CHD8: variants seen among roughly 807,000 people sequenced by gnomAD.
The protein encoded by CHD8 is ATP-dependent chromatin remodeler CHD8.
A neutral mutation model predicts 279.2 loss-of-function variants in CHD8; 31 were observed. The ratio of observed to expected loss-of-function variants is 0.11; its 90% CI spans 0.08 to 0.15. CHD8 has a LOEUF of 0.15. Among genes scored for constraint, CHD8 ranks in the 10% least tolerant of loss-of-function variants. The probability of loss-of-function intolerance (pLI) is 1.00; values close to 1 mark genes in which losing one functional copy is unlikely to be tolerated. For synonymous variants in CHD8, 1,081 were observed against 1,139.6 expected (o/e 0.95, Z 1.04); for missense variants, 2,146 against 3,230.5 (o/e 0.66, Z 8.14).
Position 21,430,874 on chromosome 14 carries a change from G to C in CHD8, c.770C>G (p.Ala257Gly). 7 of 1,599,420 alleles carry C rather than the reference G, an allele frequency of 4.4e-6. No individual in the cohort carries two copies. Among genetic ancestry groups the C allele is most frequent in the Non-Finnish European group, 5.9e-6 (7 of 1,179,730 alleles). Reference protein sequence around the residue: ...QLVLQPVKGSAPAGNPGATGP... With the variant: ...QLVLQPVKGSGPAGNPGATGP... ...TGTGGCCCCAGGGTTTCCAGCAGGA[G>C]CTGAACCCTTAACTGGCTGGAGGAC... The change falls in exon 2 of 38, where the codon GCT becomes GGT. Residue 257 changes from alanine (A) to glycine (G), a missense_variant. This residue lies in a region of CHD8 where 302 missense variants were observed against 325.5 expected (regional missense o/e 0.93). Coordinates refer to ENST00000646647, the MANE Select transcript of CHD8 (RefSeq NM_001170629.2).
chr14:21,408,662 C>T lies in CHD8; in HGVS notation c.2486+42G>A. On this transcript the variant is annotated intron_variant, in intron 12 of 37. Coordinates refer to ENST00000646647, the MANE Select transcript of CHD8 (RefSeq NM_001170629.2). The surrounding 1 kb of genome is among the most constrained non-coding windows in gnomAD (Gnocchi z 4.3). Reference sequence around the variant, plus strand: ...CAATAGAAAACAAATAAAAATAATCCCAGAACTAAGCTTACATCTTATGGC... The same window carrying T: ...CAATAGAAAACAAATAAAAATAATCTCAGAACTAAGCTTACATCTTATGGC... The T allele has an allele frequency of 2.5e-6, 4 of 1,587,516 alleles. No individual in the cohort carries two copies. Among genetic ancestry groups the T allele is most frequent in the Non-Finnish European group, 3.4e-6 (4 of 1,168,098 alleles).
rs750311902 is a variant in CHD8, at chr14:21,393,975, A to G, written c.5820T>C (p.His1940=). The G allele has an allele frequency of 1.5e-5, 24 of 1,613,878 alleles. No individual in the cohort carries two copies. Among genetic ancestry groups the G allele is most frequent in the Middle Eastern group, 3.3e-4 (2 of 6,084 alleles). The change falls in exon 32 of 38, where the codon CAT becomes CAC. Residue 1940 remains histidine (H), a synonymous_variant. Coordinates refer to ENST00000646647, the MANE Select transcript of CHD8 (RefSeq NM_001170629.2). ...TGTTGCAGTCTGTTTGGCTCACCCC[A>G]TGGCGGGCTGCCCCTCTTAGAAGCT... The part of the protein sequence containing the change: ...DGELLRGAAR[H]GVSQTDCNIM...
chr14:21,407,433 T>C (rs1888297670), intron 13 of CHD8, among the ~76,000 whole-genome samples: 1 of 151,696 alleles, frequency 6.6e-6, no homozygotes, highest in African/African-American at 2.4e-5. Flanking sequence ...TGTCTAAAAA[T>C]TGACAAAAGA....
At chr14:21,451,571 CAAAAAAAAAAAAAA>C (rs969355375) in intron 1 of CHD8, among the ~76,000 whole-genome samples, 8 of 31,644 alleles carry the variant, frequency 2.5e-4, no homozygotes, top group Admixed American at 5.0e-4. Flanking sequence ...GACTCTGTCT[CAAAAAAAAAAAAAA>C]AAAAAAAAAA....
chr14:21,393,456 A>G lies in CHD8; in HGVS notation c.6319+20T>C, dbSNP rs1224852752. The G allele has an allele frequency of 2.0e-6, 3 of 1,537,632 alleles. No individual in the cohort carries two copies. The highest frequency in any genetic ancestry group is 2.6e-6 in the Non-Finnish European group (3 of 1,139,970). Reference sequence around the variant, plus strand: ...GGGGGAAATAGGGAAGGGGGCCAACAGCCTGTCACATGCACTCACTTAGCT... The same window carrying G: ...GGGGGAAATAGGGAAGGGGGCCAACGGCCTGTCACATGCACTCACTTAGCT... On this transcript the variant is annotated intron_variant, in intron 32 of 37. Transcript: ENST00000646647.
chr14:21,446,317 C>CTTTT (rs71112587), intron 1 of CHD8, among the ~76,000 whole-genome samples: 29 of 137,506 alleles, frequency 2.1e-4, no homozygotes, highest in East Asian at 4.2e-4. Flanking sequence ...TCTTCTTCTT[C>CTTTT]TTTTTTTTTT....
At chr14:21,407,869 A>T (rs951537369) in intron 13 of CHD8, among the ~76,000 whole-genome samples, 11 of 152,148 alleles carry the variant, frequency 7.2e-5, no homozygotes, top group Non-Finnish European at 1.5e-4. Flanking sequence ...TCGGCCTCCC[A>T]AAGTGCTAGG....
intron 1 of CHD8, among the ~76,000 whole-genome samples, chr14:21,452,328 T>C (rs1890276141): frequency 6.7e-6 from 1 of 149,914 alleles, no homozygotes; most frequent in South Asian, 2.2e-4. Flanking sequence ...ATGCAATAAA[T>C]GTTAAATAAA....
intron 1 of CHD8, among the ~76,000 whole-genome samples, chr14:21,435,996 A>C (rs766548928): frequency 2.6e-5 from 4 of 152,220 alleles, no homozygotes; most frequent in Non-Finnish European, 5.9e-5. Flanking sequence ...CTAATAGATA[A>C]AATTATGTAA....
At chr14:21,430,691 T>C (rs747129926) in intron 2 of CHD8, 110 bp downstream of exon 2, 7 of 685,554 alleles carry the variant, frequency 1.0e-5, no homozygotes, top group South Asian at 2.0e-5. Context: ...AAACCAAAGA[T>C]GGAATTTAAA....
Position 21,393,517 on chromosome 14 carries a change from G to A in CHD8, c.6278C>T (p.Ser2093Phe). The A allele has an allele frequency of 1.9e-6, 3 of 1,592,306 alleles. No homozygotes were observed. The highest frequency in any genetic ancestry group is 8.6e-7 in the Non-Finnish European group (1 of 1,168,936). Residue 2093 changes from serine (S) to phenylalanine (F), a missense_variant, in exon 32 of 38, where the codon TCC (serine) becomes TTC (phenylalanine). Physicochemically the swap from Ser to Phe is radical, Grantham distance 155. Transcript: ENST00000646647. The stretch of plus-strand genomic sequence containing the variant: ...CTCATCCTCACTCTCATCAGTGCTG[G>A]AGCTGGAGCTGGATGAGGATGAGGA... ...SSSSSSSSSSSSTDESEDEKE... is the reference protein window; with the variant it reads ...SSSSSSSSSSFSTDESEDEKE...
Position 21,393,824 on chromosome 14 carries a change from A to C in CHD8, c.5971T>G (p.Ser1991Ala). The C allele has an allele frequency of 1.2e-6, 2 of 1,613,964 alleles. No homozygotes were observed. Among genetic ancestry groups the C allele is most frequent in the Admixed American group, 1.7e-5 (1 of 60,020 alleles). Reference sequence around the variant, plus strand: ...AGGGGCAGTGGTGAGGCAGTGCGTGAGGTATACTGCTGGTGCAGCAGTGGA... The same window carrying C: ...AGGGGCAGTGGTGAGGCAGTGCGTGCGGTATACTGCTGGTGCAGCAGTGGA... ...STPLLHQQYT[S>A]RTASPLPLRP... The change falls in exon 32 of 38, where the codon TCA becomes GCA. Residue 1991 changes from serine (S) to alanine (A), a missense_variant. Ser to Ala is a moderately conservative substitution (Grantham distance 99). This residue lies in a region of CHD8 where 513 missense variants were observed against 637.6 expected (regional missense o/e 0.80). Transcript: ENST00000646647.
At position 21,392,644 on chromosome 14, in the gene CHD8, G is replaced by A. The variant is rs747368212; in HGVS notation, c.6634C>T (p.Pro2212Ser). ...CTACTACTTCGTGGTGTGGGGACTG[G>A]AGAGTCACCATATTCTCCAGGAGTC... ...SLTPGEYGDS[P>S]VPTPRSSSAA... The change falls in exon 34 of 38, where the codon CCA becomes TCA. Residue 2212 changes from proline to serine, a missense_variant. Pro to Ser is a moderately conservative substitution (Grantham distance 74). Coordinates refer to ENST00000646647, the MANE Select transcript of CHD8 (RefSeq NM_001170629.2). 2.5e-5 allele frequency: 40 copies of A among 1,613,866 alleles called. No homozygotes were observed. The highest frequency in any genetic ancestry group is 4.0e-5 in the African/African-American group (3 of 74,918).
rs1485668022 is a variant in CHD8 at position 21,415,813 on chromosome 14, A to G, written c.1811T>C (p.Val604Ala). ...AGGCTCAGGTTTTATTGGACCAGTT[A>G]CATCCACCTCTTCTTCTTCTTCATC... ...TDDEEEEEVD[V>A]TGPIKPEPIL... Residue 604 changes from valine to alanine, a missense_variant, in exon 6 of 38, where the codon GTA becomes GCA. Transcript: ENST00000646647. 3.1e-6 allele frequency: 5 copies of G among 1,613,818 alleles called. No individual in the cohort carries two copies. Among genetic ancestry groups the G allele is most frequent in the Non-Finnish European group, 4.2e-6 (5 of 1,179,834 alleles).
chr14:21,393,728 T>A lies in CHD8; in HGVS notation c.6067A>T (p.Thr2023Ser). Residue 2023 changes from threonine (T) to serine (S), a missense_variant, in exon 32 of 38, where the codon ACT becomes TCT. Thr to Ser is a moderately conservative substitution (Grantham distance 58). Coordinates refer to ENST00000646647, the MANE Select transcript of CHD8 (RefSeq NM_001170629.2). ...ACCACCTCGTGCTCTAGCTTTAAAG[T>A]CAGACTCTCCAGACTGGGGACCTGG... ...ATQVPSLESLTLKLEHEVVAR... is the reference protein window; with the variant it reads ...ATQVPSLESLSLKLEHEVVAR... 1 of 1,613,918 alleles carries A rather than the reference T, an allele frequency of 6.2e-7. No homozygotes were observed. The highest frequency in any genetic ancestry group is 8.5e-7 in the Non-Finnish European group (1 of 1,179,848).
Position 21,404,030 on chromosome 14 carries a change from T to C in CHD8, c.3308-367A>G, listed in dbSNP as rs987375317. Among the ~76,000 whole-genome samples, 4 of 146,606 alleles carry C rather than the reference T, an allele frequency of 2.7e-5. No individual in the cohort carries two copies. The Admixed American group carries it at 2.7e-4, about 10-fold the overall frequency. ...AGGAGAATCGCTTGAATTCGGGAGG[T>C]GGTGGTTGCAGTGAGCTGAGATTGC... On this transcript the variant is annotated intron_variant, in intron 16 of 37. Transcript: ENST00000646647.
intron 5 of CHD8, among the ~76,000 whole-genome samples, chr14:21,424,658 A>G (rs1889224113): frequency 6.6e-6 from 1 of 152,070 alleles, no homozygotes; most frequent in African/African-American, 2.4e-5. Flanking sequence ...TTTTTGGTAG[A>G]GACGGGGTTT....
At chr14:21,404,429 A>G (rs1888175155) in intron 16 of CHD8, among the ~76,000 whole-genome samples, 3 of 151,564 alleles carry the variant, frequency 2.0e-5, no homozygotes, top group Admixed American at 2.0e-4. Flanking sequence ...AACTTAAATC[A>G]TCCTCAGATG....
At chr14:21,454,187 G>GAAAAGAAAAGAA (rs1198461238) in intron 1 of CHD8, among the ~76,000 whole-genome samples, 1 of 146,870 alleles carries the variant, frequency 6.8e-6, no homozygotes, top group African/African-American at 2.6e-5. Flanking sequence ...GAAAAGAAAA[G>GAAAAGAAAAGAA]AAAAGAAAAG....
Sources: allele counts gnomAD v4.1 joint callset (sites outside exome capture counted in the v4.1 genomes callset), GRCh38; gene constraint gnomAD v4.1.1; regional missense constraint gnomAD v4.1.1; non-coding constraint Gnocchi (gnomAD v3.1); transcripts MANE v1.5; gene names NCBI Gene and HGNC (gene_info 2026-07-23, HGNC 2026-07-21).